The following AP3B1 variants were observed in gnomAD, a reference collection of about 807,000 sequenced individuals.
AP3B1 encodes adaptor related protein complex 3 subunit beta 1.
In AP3B1, 61 loss-of-function variants were observed where a neutral mutation model predicts 132.5. That is an observed-to-expected ratio of 0.46 (90% CI 0.37 to 0.57). The LOEUF (loss-of-function observed/expected upper bound fraction) is 0.57, where lower values mean the gene tolerates loss of function less well. Among genes scored for constraint, AP3B1 ranks in the 20% least tolerant of loss-of-function variants. The pLI is 0.00. For missense variants in AP3B1, 1,120 were observed against 1,289.4 expected (o/e 0.87, Z 2.01); for synonymous variants, 388 against 438.3 (o/e 0.89, Z 1.43).
chr5:78,192,595 T>G lies in AP3B1; in HGVS notation c.787-10933A>C, dbSNP rs981185561. On this transcript the variant is annotated intron_variant, in intron 7 of 26. Transcript: ENST00000255194. ...AGGCGGAGGTTGCAGTGAGCCAAAA[T>G]TGCGCCACTGCACTCCAGCCTGGGC... 2.0e-5 allele frequency among the ~76,000 whole-genome samples: 3 copies of G among 152,048 alleles called. No individual in the cohort carries two copies. The East Asian group carries it at 5.8e-4, about 29-fold the overall frequency.
intron 1 of AP3B1, among the ~76,000 whole-genome samples, chr5:78,275,256 C>T (rs926470245): frequency 6.6e-6 from 1 of 151,910 alleles, no homozygotes; most frequent in African/African-American, 2.4e-5. Flanking sequence ...AATTCCATAC[C>T]CAGGATATTA....
chr5:78,192,873 A>G (rs559282683), intron 7 of AP3B1, among the ~76,000 whole-genome samples: 17 of 152,294 alleles, frequency 1.1e-4, no homozygotes, highest in African/African-American at 3.8e-4. Context: ...CAAATCTGTC[A>G]GAGCCTTGAT....
intron 14 of AP3B1, among the ~76,000 whole-genome samples, chr5:78,144,365 A>T (rs1183402178): frequency 6.6e-6 from 1 of 152,226 alleles, no homozygotes. Context: ...TCACCACAGC[A>T]GCTATAGAAA....
At chr5:78,049,722 T>C (rs1480312109) in intron 22 of AP3B1, among the ~76,000 whole-genome samples, 2 of 152,190 alleles carry the variant, frequency 1.3e-5, no homozygotes, top group Admixed American at 6.5e-5. Flanking sequence ...TCCTAATTGG[T>C]TTCCTTGTTC....
At chr5:78,202,932 T>C (rs982843904) in intron 7 of AP3B1, among the ~76,000 whole-genome samples, 1 of 152,210 alleles carries the variant, frequency 6.6e-6, no homozygotes, top group Non-Finnish European at 1.5e-5. Flanking sequence ...TCTAAAACAT[T>C]GGACTGTTTA....
In AP3B1 at chr5:78,193,745, TA is replaced by T. The variant is rs1168867456; in HGVS notation, c.787-12084del. Among the ~76,000 whole-genome samples, 94 of 24,444 alleles carry T rather than the reference TA, an allele frequency of 3.8e-3. 1 individual carries two copies. The highest frequency in any genetic ancestry group is 9.8e-3 in the African/African-American group (22 of 2,246). The allele number at this position is 24,444 out of a possible 152,430, so 16.0% of individuals were successfully genotyped here. ...TTTTAAATATTTGTATATATTTTTT[TA>T]TATATATATATATATATATATATAT... On this transcript the variant is annotated intron_variant, in intron 7 of 26. Transcript: ENST00000255194.
chr5:78,250,052 T>C (rs1162098636), intron 2 of AP3B1, among the ~76,000 whole-genome samples: 4 of 152,200 alleles, frequency 2.6e-5, no homozygotes, highest in African/African-American at 9.7e-5. Flanking sequence ...GATAACATTT[T>C]AGGAAACAAG....
chr5:78,227,083 A>G (rs1487118162), intron 5 of AP3B1, among the ~76,000 whole-genome samples: 3 of 152,168 alleles, frequency 2.0e-5, no homozygotes, highest in Admixed American at 6.6e-5. Context: ...GAGATAGACT[A>G]TATAAATGAG....
chr5:78,046,926 T>TCC (rs1383003846), intron 22 of AP3B1, among the ~76,000 whole-genome samples: 1 of 152,112 alleles, frequency 6.6e-6, no homozygotes, highest in Non-Finnish European at 1.5e-5. Flanking sequence ...ATTCTTCAGC[T>TCC]CCCATTTATG....
chr5:78,204,266 G>A (rs1745414947), intron 7 of AP3B1, among the ~76,000 whole-genome samples: 1 of 152,196 alleles, frequency 6.6e-6, no homozygotes, highest in Non-Finnish European at 1.5e-5. Flanking sequence ...TTTGTTTACA[G>A]TCGTTTCTAA....
At chr5:78,079,515 C>T (rs754220274) in intron 22 of AP3B1, among the ~76,000 whole-genome samples, 11 of 151,892 alleles carry the variant, frequency 7.2e-5, no homozygotes, top group East Asian at 5.8e-4. Flanking sequence ...TTACCACATA[C>T]GGTATATACA....
chr5:78,250,083 A>T (rs1160720514), intron 2 of AP3B1, among the ~76,000 whole-genome samples: 1 of 152,184 alleles, frequency 6.6e-6, no homozygotes, highest in Non-Finnish European at 1.5e-5. Flanking sequence ...TCTAGTTACA[A>T]CCTAAGAAAT....
At chr5:78,097,067 G>C (rs1314443356) in intron 21 of AP3B1, among the ~76,000 whole-genome samples, 1 of 119,256 alleles carries the variant, frequency 8.4e-6, no homozygotes, top group Non-Finnish European at 1.8e-5. Flanking sequence ...AGGTTGGGGG[G>C]TCAGCCCCCC....
intron 14 of AP3B1, among the ~76,000 whole-genome samples, chr5:78,153,606 G>A (rs1396735340): frequency 6.6e-6 from 1 of 151,886 alleles, no homozygotes; most frequent in African/African-American, 2.4e-5. Context: ...TTGTTTTCTG[G>A]TTGTTTCACA....
chr5:78,100,973 G>T lies in AP3B1; in HGVS notation c.2450C>A (p.Ser817Ter). The T allele has an allele frequency of 6.4e-7, 1 of 1,555,768 alleles. No individual in the cohort carries two copies. Among genetic ancestry groups the T allele is most frequent in the Non-Finnish European group, 8.8e-7 (1 of 1,130,582 alleles). ...CTTACAATCATCCAGATCTAGAAGT[G>T]AAACATCTTTGGTAAGAGGAGTTCT... The part of the protein sequence containing the change: ...QDRTPLTKDV[S>*]LLDLDDFNPV... Residue 817 changes from serine (S) to a stop codon, truncating the protein, a stop_gained, in exon 21 of 27, where the codon TCA (serine) becomes TAA (stop). Transcript: ENST00000255194. LOFTEE classifies it high-confidence loss of function.
intron 20 of AP3B1, among the ~76,000 whole-genome samples, chr5:78,108,206 C>T (rs766396953): frequency 6.6e-6 from 1 of 152,090 alleles, no homozygotes; most frequent in East Asian, 1.9e-4. Flanking sequence ...AGATATAAGG[C>T]ATATGAATTT....
intron 21 of AP3B1, among the ~76,000 whole-genome samples, chr5:78,097,196 G>A (rs1750869919): frequency 7.4e-6 from 1 of 134,656 alleles, no homozygotes; most frequent in Non-Finnish European, 1.6e-5. Context: ...GAAGTGAGGA[G>A]CCCCTCTGCC....
intron 22 of AP3B1, among the ~76,000 whole-genome samples, chr5:78,070,223 A>G (rs1417405526): frequency 6.6e-6 from 1 of 152,044 alleles, no homozygotes; most frequent in Admixed American, 6.6e-5. Flanking sequence ...CCTGGCCAAC[A>G]TGGTGAAACC....
intron 15 of AP3B1, among the ~76,000 whole-genome samples, chr5:78,136,861 G>A (rs911042352): frequency 3.9e-5 from 6 of 151,930 alleles, no homozygotes; most frequent in African/African-American, 1.5e-4. Context: ...AAGCATACAT[G>A]TTGCAATATA....
Sources: allele counts gnomAD v4.1 joint callset (sites outside exome capture counted in the v4.1 genomes callset), GRCh38; gene constraint gnomAD v4.1.1; transcripts MANE v1.5; gene names NCBI Gene and HGNC (gene_info 2026-07-23, HGNC 2026-07-21).